SLC12A9: variants seen among roughly 807,000 people sequenced by gnomAD.
SLC12A9 encodes solute carrier family 12 member 9.
SLC12A9 carries 55 observed loss-of-function variants against 66.0 expected under a neutral mutation model. The ratio of observed to expected loss-of-function variants is 0.83; its 90% CI spans 0.67 to 1.04. The LOEUF is 1.04. Among genes scored for constraint, SLC12A9 ranks in the 50% least tolerant of loss-of-function variants. The pLI, the probability that SLC12A9 is intolerant of heterozygous loss-of-function variation, is 0.00. For missense variants in SLC12A9, 1,061 were observed against 1,241.9 expected, an observed-to-expected ratio of 0.85 and a Z score of 2.19; for synonymous variants, 577 against 569.0, an observed-to-expected ratio of 1.01 and a Z score of -0.20.
intron 13 of SLC12A9, chr7:100,865,312 A>T (rs2115572939): frequency 6.5e-7 from 1 of 1,535,626 alleles, no homozygotes; most frequent in East Asian, 2.4e-5. Flanking sequence ...TACCCTGGGG[A>T]TTCAGGTCAT....
chr7:100,836,093 C>T (rs74579217), intron 1 of SLC12A9, among the ~76,000 whole-genome samples: 5,849 of 152,326 alleles, frequency 0.038, 172 homozygotes, highest in Middle Eastern at 0.13. Flanking sequence ...CAAGCCCCCC[C>T]ATGCCAGCAG....
At chr7:100,836,681 C>T (rs1386449426) in intron 1 of SLC12A9, among the ~76,000 whole-genome samples, 2 of 152,258 alleles carry the variant, frequency 1.3e-5, no homozygotes, top group Admixed American at 6.5e-5. Context: ...TTTGCCCCAT[C>T]AGCTGTTCTT....
chr7:100,865,646 G>T (rs1815030607), intron 13 of SLC12A9, 73 bp from the exon 14 acceptor site: 1 of 1,558,472 alleles, frequency 6.4e-7, no homozygotes, highest in East Asian at 2.3e-5. Flanking sequence ...CTGTCAGTGT[G>T]TGGGAGCGTG....
intron 1 of SLC12A9, among the ~76,000 whole-genome samples, chr7:100,843,458 C>G (rs950150408): frequency 2.8e-4 from 43 of 152,340 alleles, no homozygotes; most frequent in African/African-American, 9.9e-4. Context: ...CATGTCGGCC[C>G]CAGCCCTGAG....
At chr7:100,857,242 G>A (rs1814454209) in intron 5 of SLC12A9, 66 bp downstream of exon 5, 20 of 1,525,334 alleles carry the variant, frequency 1.3e-5, no homozygotes, top group South Asian at 2.5e-5. Flanking sequence ...GGCCGGGCCC[G>A]TAAAACCTCT....
At chr7:100,853,203 T>C (rs1380319885) in intron 1 of SLC12A9, 1 of 151,424 alleles carries the variant, frequency 6.6e-6, no homozygotes, top group African/African-American at 2.4e-5. Flanking sequence ...TTGGGGGGCT[T>C]GGTAGGGGCA....
chr7:100,842,598 A>G (rs1813811022), intron 1 of SLC12A9, among the ~76,000 whole-genome samples: 1 of 152,234 alleles, frequency 6.6e-6, no homozygotes, highest in South Asian at 2.1e-4. Context: ...GGTTTTTATA[A>G]TTTCCTAAAA....
At chr7:100,844,067 C>T (rs979106023) in intron 1 of SLC12A9, among the ~76,000 whole-genome samples, 1 of 152,208 alleles carries the variant, frequency 6.6e-6, no homozygotes, top group African/African-American at 2.4e-5. Context: ...CATGAGAAAA[C>T]TCATCGCAGG....
rs1172420576 is a variant in SLC12A9, at chr7:100,865,273, T to C, written c.1859-446T>C. The stretch of plus-strand genomic sequence containing the variant: ...GTGCCCTGCCTGGTCCATTTTTTCA[T>C]CTTCCCATTGCAGAGTCTGGGACGC... On this transcript the variant is annotated intron_variant, in intron 13 of 13. Transcript: ENST00000354161. 7 of 1,535,768 alleles carry C rather than the reference T, an allele frequency of 4.6e-6. No homozygotes were observed. The South Asian group carries it at 8.3e-5, about 18-fold the overall frequency.
At chr7:100,862,892 TC>T in intron 13 of SLC12A9, 65 bp downstream of exon 13, 2 of 1,589,044 alleles carry the variant, frequency 1.3e-6, no homozygotes, top group Non-Finnish European at 1.7e-6. Flanking sequence ...TCCGCTCCCC[TC>T]CCCTAGAGAG....
intron 2 of SLC12A9, 91 bp downstream of exon 2, chr7:100,854,469 A>G: frequency 6.3e-7 from 1 of 1,586,914 alleles, no homozygotes; most frequent in South Asian, 1.1e-5. Context: ...AAGATTAGGA[A>G]GGGGACCCAA....
intron 1 of SLC12A9, among the ~76,000 whole-genome samples, chr7:100,842,276 C>T (rs1385743995): frequency 6.6e-6 from 1 of 152,222 alleles, no homozygotes; most frequent in African/African-American, 2.4e-5. Flanking sequence ...TTTCCTCATT[C>T]TATTGCTGAC....
In SLC12A9 at chr7:100,858,828, C is replaced by T. The variant is rs750204787; in HGVS notation, c.758-7C>T. 6.2e-7 allele frequency: 1 copy of T among 1,613,946 alleles called. No individual in the cohort carries two copies. Among genetic ancestry groups the T allele is most frequent in the South Asian group, 1.1e-5 (1 of 91,066 alleles). On this transcript the variant is annotated splice_region_variant and splice_polypyrimidine_tract_variant and intron_variant, in intron 5 of 13. Coordinates refer to ENST00000354161, the MANE Select transcript of SLC12A9 (RefSeq NM_020246.4). ...ATGCACTCTCCTCCCTGGGAGGATC[C>T]TCCTAGCTGGCTATGCTGAGGACTA...
intron 1 of SLC12A9, among the ~76,000 whole-genome samples, chr7:100,846,484 A>G (rs973986509): frequency 2.0e-5 from 3 of 151,814 alleles, no homozygotes; most frequent in Non-Finnish European, 4.4e-5. Flanking sequence ...GGAGAATGGC[A>G]TGAACCCAGG....
At chr7:100,838,137 A>G (rs949278421) in intron 1 of SLC12A9, among the ~76,000 whole-genome samples, 2 of 151,970 alleles carry the variant, frequency 1.3e-5, no homozygotes, top group African/African-American at 2.4e-5. Context: ...CTGGGATTAC[A>G]GGCGTGAGCC....
At position 100,865,930 on chromosome 7, in the gene SLC12A9, C is replaced by A. The variant is rs1431543629; in HGVS notation, c.2070C>A (p.Ala690=). 1 of 1,613,426 alleles carries A rather than the reference C, an allele frequency of 6.2e-7. No individual in the cohort carries two copies. Among genetic ancestry groups the A allele is most frequent in the Non-Finnish European group, 8.5e-7 (1 of 1,180,000 alleles). Residue 690 remains alanine, a synonymous_variant, in exon 14 of 14, where the codon GCC becomes GCA. Transcript: ENST00000354161. The part of the protein sequence containing the change: ...PQDYVATVAD[A]LKMNKNVVLA... ...ACTATGTGGCCACGGTGGCCGACGC[C>A]CTCAAGATGAACAAGAATGTGGTGC...
intron 1 of SLC12A9, among the ~76,000 whole-genome samples, chr7:100,847,095 CAA>C (rs1266261715): frequency 6.6e-6 from 1 of 152,156 alleles, no homozygotes; most frequent in African/African-American, 2.4e-5. Context: ...GCTCTTGAGA[CAA>C]GAGTCTTGCC....
rs781492614 is a variant in SLC12A9, at chr7:100,859,079, C to G, written c.895C>G (p.Pro299Ala). Reference sequence around the variant, plus strand: ...GCTGAAGGACCCCAGCCGGGCGATCCCTCTGGGCACGATCGTCGCCGTCGC... The same window carrying G: ...GCTGAAGGACCCCAGCCGGGCGATCGCTCTGGGCACGATCGTCGCCGTCGC... ...GELKDPSRAI[P>A]LGTIVAVAYT... Residue 299 changes from proline to alanine, a missense_variant, in exon 7 of 14, where the codon CCT becomes GCT. Pro to Ala is a conservative substitution (Grantham distance 27). Coordinates refer to ENST00000354161, the MANE Select transcript of SLC12A9 (RefSeq NM_020246.4). The G allele has an allele frequency of 1.9e-6, 3 of 1,613,790 alleles. No individual in the cohort carries two copies. Among genetic ancestry groups the G allele is most frequent in the Non-Finnish European group, 2.5e-6 (3 of 1,179,984 alleles).
rs1350035376 is a variant in SLC12A9 at position 100,861,964 on chromosome 7, T to G, written c.1711+53T>G. 1.3e-5 allele frequency: 4 copies of G among 299,964 alleles called. No homozygotes were observed. Among genetic ancestry groups the G allele is most frequent in the East Asian group, 1.2e-4 (1 of 8,058 alleles). 18.6% of individuals were successfully genotyped at this position (299,964 alleles called of 1,614,324 possible). A position where few individuals can be genotyped will look rare whatever the true frequency, so the allele number is the denominator to read the frequency against. ...ACTCCCATCCTTCTCTCCCCCTACCTTTTTTTTTTTTTTGAGATGGAGCTT... is the reference window on the plus strand; with the variant it reads ...ACTCCCATCCTTCTCTCCCCCTACCGTTTTTTTTTTTTTGAGATGGAGCTT... On this transcript the variant is annotated intron_variant, in intron 12 of 13. Transcript: ENST00000354161. The surrounding 1 kb of genome is among the most constrained non-coding windows in gnomAD (Gnocchi z 5.3).
Sources: gnomAD v4.1 joint callset for allele counts (sites outside exome capture counted in the v4.1 genomes callset) on GRCh38, gnomAD v4.1.1 for gene constraint, Gnocchi (gnomAD v3.1) non-coding constraint, MANE v1.5 for transcripts, NCBI Gene and HGNC (gene_info 2026-07-23, HGNC 2026-07-21) for gene names.